The following ARHGAP28 variants were observed in gnomAD, a reference collection of about 807,000 sequenced individuals.
The protein encoded by ARHGAP28 is Rho GTPase activating protein 28, also known as rho GTPase-activating protein 28.
Under a neutral mutation model 90.7 loss-of-function variants are expected in ARHGAP28, and 56 were observed. The observed-to-expected ratio is 0.62, with a 90% CI of 0.50 to 0.77. The LOEUF is 0.77. Among genes scored for constraint, ARHGAP28 ranks in the 30% least tolerant of loss-of-function variants. The pLI, the probability that ARHGAP28 is intolerant of heterozygous loss-of-function variation, is 0.00. For missense variants in ARHGAP28, 869 were observed against 900.9 expected (o/e 0.96, Z 0.45); for synonymous variants, 308 against 323.3 (o/e 0.95, Z 0.51).
intron 2 of ARHGAP28, among the ~76,000 whole-genome samples, chr18:6,827,837 G>A (rs1326799457): frequency 3.3e-5 from 5 of 151,884 alleles, no homozygotes; most frequent in Admixed American, 6.6e-5. Context: ...GGTCGCGGCC[G>A]GACAGAGGCA....
At chr18:6,882,507 G>A (rs1288458015) in intron 11 of ARHGAP28, 2 of 416,526 alleles carry the variant, frequency 4.8e-6, no homozygotes, top group East Asian at 7.3e-5. Context: ...TCATTAAAAG[G>A]CAGAGGGGTT....
intron 2 of ARHGAP28, among the ~76,000 whole-genome samples, chr18:6,825,536 A>T (rs2056656250): frequency 2.0e-5 from 3 of 152,178 alleles, no homozygotes; most frequent in Admixed American, 2.0e-4. Flanking sequence ...CAGGTTTCTT[A>T]CATGGGTATA....
chr18:6,855,541 G>A (rs542228331), intron 4 of ARHGAP28, among the ~76,000 whole-genome samples: 5 of 152,268 alleles, frequency 3.3e-5, no homozygotes, highest in South Asian at 2.1e-4. Context: ...CCCATTGTCC[G>A]TGTACCTCAT....
intron 2 of ARHGAP28, among the ~76,000 whole-genome samples, chr18:6,826,114 A>G (rs1376256550): frequency 2.1e-5 from 2 of 95,552 alleles, no homozygotes; most frequent in African/African-American, 6.9e-5. Flanking sequence ...CAGCATTGCC[A>G]GTGTTTTTTT....
At chr18:6,772,069 T>C (rs1369596505) in intron 1 of ARHGAP28, among the ~76,000 whole-genome samples, 1 of 152,138 alleles carries the variant, frequency 6.6e-6, no homozygotes, top group Non-Finnish European at 1.5e-5. Context: ...AAACCATTAA[T>C]GAATCCCACT....
chr18:6,877,614 C>T (rs1038531591), intron 10 of ARHGAP28, among the ~76,000 whole-genome samples: 8 of 152,178 alleles, frequency 5.3e-5, no homozygotes, highest in African/African-American at 1.9e-4. Flanking sequence ...TGAGGGGTTA[C>T]GGCTTCCCTG....
At chr18:6,751,810 G>A (rs1426914374) in intron 1 of ARHGAP28, among the ~76,000 whole-genome samples, 1 of 152,120 alleles carries the variant, frequency 6.6e-6, no homozygotes, top group South Asian at 2.1e-4. Flanking sequence ...AACATTTGCT[G>A]TATAATTTTC....
At chr18:6,847,911 C>G (rs954815016) in intron 3 of ARHGAP28, among the ~76,000 whole-genome samples, 7 of 152,120 alleles carry the variant, frequency 4.6e-5, no homozygotes, top group African/African-American at 1.7e-4. Context: ...TCTACGCAAG[C>G]TTCCGAGAGT....
intron 1 of ARHGAP28, among the ~76,000 whole-genome samples, chr18:6,817,471 G>GC (rs1325474310): frequency 6.6e-6 from 1 of 152,090 alleles, no homozygotes; most frequent in Non-Finnish European, 1.5e-5. Flanking sequence ...ATCTCACTCT[G>GC]CCCCAAATGA....
chr18:6,861,924 G>T (rs1324052895), intron 5 of ARHGAP28, among the ~76,000 whole-genome samples: 1 of 152,162 alleles, frequency 6.6e-6, no homozygotes, highest in African/African-American at 2.4e-5. Context: ...TCCAGGGTAA[G>T]TTAATCACCC....
At chr18:6,794,922 C>T (rs2056430959) in intron 1 of ARHGAP28, among the ~76,000 whole-genome samples, 1 of 152,100 alleles carries the variant, frequency 6.6e-6, no homozygotes, top group South Asian at 2.1e-4. Context: ...GGCTCAAGTG[C>T]TCCACCCGCC....
chr18:6,875,324 C>T (rs111867479), intron 9 of ARHGAP28, among the ~76,000 whole-genome samples: 1 of 152,214 alleles, frequency 6.6e-6, no homozygotes, highest in Non-Finnish European at 1.5e-5. Flanking sequence ...AGACATGTTT[C>T]TTCTTCCTAA....
chr18:6,870,628 G>A lies in ARHGAP28; in HGVS notation c.850G>A (p.Glu284Lys). The change falls in exon 7 of 18, where the codon GAA becomes AAA. Residue 284 changes from glutamate (E) to lysine (K), a missense_variant. Transcript: ENST00000383472. ...GGAAAAGAACATTCCACCAGAGGCT[G>A]AAGAGCTGTCATTTGAAGTGTCTTA... ...FLEKNIPPEA[E>K]ELSFEVSYSE... is the part of the protein sequence containing the mutation. The A allele has an allele frequency of 6.2e-7, 1 of 1,613,110 alleles. No individual in the cohort carries two copies. The highest frequency in any genetic ancestry group is 8.5e-7 in the Non-Finnish European group (1 of 1,179,426).
chr18:6,841,180 C>CCTCTCT (rs143797436), intron 3 of ARHGAP28, among the ~76,000 whole-genome samples: 12 of 57,060 alleles, frequency 2.1e-4, no homozygotes, highest in African/African-American at 3.1e-4. Flanking sequence ...CTCTCTCTCT[C>CCTCTCT]CTCTCTCTCT....
intron 11 of ARHGAP28, among the ~76,000 whole-genome samples, chr18:6,886,413 T>G (rs1362709524): frequency 6.6e-6 from 1 of 152,118 alleles, no homozygotes; most frequent in African/African-American, 2.4e-5. Flanking sequence ...TGAGTATAAA[T>G]GCCAACCCTC....
At chr18:6,786,641 A>G (rs969598581) in intron 1 of ARHGAP28, among the ~76,000 whole-genome samples, 11 of 152,198 alleles carry the variant, frequency 7.2e-5, no homozygotes, top group Non-Finnish European at 1.6e-4. Flanking sequence ...GAATCCCTGA[A>G]AGAATGATAT....
chr18:6,867,376 A>G (rs1364524663), intron 5 of ARHGAP28, among the ~76,000 whole-genome samples: 1 of 152,188 alleles, frequency 6.6e-6, no homozygotes, highest in East Asian at 1.9e-4. Context: ...TTCTTGATGG[A>G]GTAGCAGATT....
chr18:6,879,516 C>T (rs577456838), intron 10 of ARHGAP28, among the ~76,000 whole-genome samples: 27 of 152,328 alleles, frequency 1.8e-4, no homozygotes, highest in African/African-American at 6.5e-4. Context: ...TAAACTCATA[C>T]CCGGCTGACA....
intron 1 of ARHGAP28, among the ~76,000 whole-genome samples, chr18:6,774,596 G>C (rs1459901235): frequency 1.3e-5 from 2 of 152,208 alleles, no homozygotes; most frequent in Non-Finnish European, 2.9e-5. Flanking sequence ...TTGTGTGCTG[G>C]AGCCTTTAAA....
Sources: gnomAD v4.1 joint callset for allele counts (sites outside exome capture counted in the v4.1 genomes callset) on GRCh38, gnomAD v4.1.1 for gene constraint, MANE v1.5 for transcripts, NCBI Gene and HGNC (gene_info 2026-07-23, HGNC 2026-07-21) for gene names.